Variants in ITPRID1 observed in about 807,000 individuals in gnomAD.
ITPRID1 encodes ITPR interacting domain containing 1.
A neutral mutation model predicts 95.4 loss-of-function variants in ITPRID1; 96 were observed. The observed-to-expected ratio is 1.01, with a 90% CI of 0.85 to 1.19. ITPRID1 has a LOEUF of 1.19. Among genes scored for constraint, ITPRID1 ranks in the 50% most tolerant of loss-of-function variants. The probability of loss-of-function intolerance (pLI) is 0.00; values close to 1 mark genes in which losing one functional copy is unlikely to be tolerated. For synonymous variants in ITPRID1, 510 were observed against 453.6 expected (o/e 1.12, Z -1.58); for missense variants, 1,339 against 1,252.9 (o/e 1.07, Z -1.04).
intron 10 of ITPRID1, among the ~76,000 whole-genome samples, chr7:31,588,660 TA>T (rs566999290): frequency 1.0e-5 from 1 of 95,876 alleles, no homozygotes; most frequent in African/African-American, 3.7e-5. Context: ...TCTTATGAGT[TA>T]AAAAAAATCA....
intron 8 of ITPRID1, among the ~76,000 whole-genome samples, chr7:31,577,137 A>G (rs1785212949): frequency 6.6e-6 from 1 of 152,210 alleles, no homozygotes; most frequent in Non-Finnish European, 1.5e-5. Flanking sequence ...AAGACTGAGG[A>G]GAATATATCC....
chr7:31,626,258 G>A (rs999091348), intron 10 of ITPRID1, among the ~76,000 whole-genome samples: 1 of 152,142 alleles, frequency 6.6e-6, no homozygotes, highest in Non-Finnish European at 1.5e-5. Context: ...TACTTTGTGT[G>A]ACTAAAGATA....
chr7:31,658,325 ACT>A (rs569345700), downstream of ITPRID1: 143 of 1,523,176 alleles, frequency 9.4e-5, no homozygotes, highest in African/African-American at 1.6e-3. Context: ...AAAGCAAATA[ACT>A]CTGCTAAAGA....
intron 12 of ITPRID1, among the ~76,000 whole-genome samples, chr7:31,647,701 GGAA>G (rs78901984): frequency 7.1e-6 from 1 of 140,148 alleles, no homozygotes; most frequent in Non-Finnish European, 1.5e-5. Flanking sequence ...AAAAAGAAGA[GGAA>G]GAAGAAGACG....
intron 10 of ITPRID1, among the ~76,000 whole-genome samples, chr7:31,639,242 C>G (rs1344917559): frequency 6.6e-6 from 1 of 152,182 alleles, no homozygotes; most frequent in Non-Finnish European, 1.5e-5. Flanking sequence ...TTGGACTTGT[C>G]TCATCACTTG....
chr7:31,639,683 C>T (rs1364019404), intron 10 of ITPRID1, among the ~76,000 whole-genome samples: 1 of 151,646 alleles, frequency 6.6e-6, no homozygotes, highest in Non-Finnish European at 1.5e-5. Context: ...ACTACAGGTG[C>T]CTGCCACCAT....
At chr7:31,657,214 G>T (rs2128223920), downstream of ITPRID1, among the ~76,000 whole-genome samples, 1 of 18,344 alleles carries the variant, frequency 5.5e-5, no homozygotes, top group South Asian at 2.5e-3. Context: ...ACTGTAAGTT[G>T]TCTAAGCTCT....
At chr7:31,535,975 C>T (rs1783745652) in intron 1 of ITPRID1, among the ~76,000 whole-genome samples, 1 of 151,938 alleles carries the variant, frequency 6.6e-6, no homozygotes, top group Admixed American at 6.6e-5. Flanking sequence ...AGTGTTCTTG[C>T]TTGGGATTTA....
chr7:31,615,628 TGAAC>T (rs1787128273), intron 10 of ITPRID1, among the ~76,000 whole-genome samples: 1 of 152,166 alleles, frequency 6.6e-6, no homozygotes, highest in South Asian at 2.1e-4. Flanking sequence ...TTGAGTCTTA[TGAAC>T]AATGGTTGTG....
intron 1 of ITPRID1, among the ~76,000 whole-genome samples, chr7:31,541,401 C>T (rs1006968711): frequency 6.6e-6 from 1 of 152,104 alleles, no homozygotes; most frequent in Non-Finnish European, 1.5e-5. Context: ...AGCTTTATAG[C>T]TGATTTTAAA....
chr7:31,576,458 G>A (rs902380953), intron 8 of ITPRID1, among the ~76,000 whole-genome samples: 3 of 152,166 alleles, frequency 2.0e-5, no homozygotes, highest in African/African-American at 7.2e-5. Flanking sequence ...TGCTTTGGAT[G>A]GATGTAAAGC....
intron 10 of ITPRID1, among the ~76,000 whole-genome samples, chr7:31,593,391 A>G (rs1207612303): frequency 6.6e-6 from 1 of 152,222 alleles, no homozygotes; most frequent in Non-Finnish European, 1.5e-5. Flanking sequence ...GGCTGACTTT[A>G]TCAATTTGTA....
At chr7:31,519,902 G>T (rs1783187544) in intron 1 of ITPRID1, among the ~76,000 whole-genome samples, 1 of 151,072 alleles carries the variant, frequency 6.6e-6, no homozygotes, top group Non-Finnish European at 1.5e-5. Context: ...AACCAATATG[G>T]ATACATTATT....
chr7:31,649,835 G>T (rs182813247), intron 12 of ITPRID1, among the ~76,000 whole-genome samples: 2 of 152,156 alleles, frequency 1.3e-5, no homozygotes, highest in Non-Finnish European at 2.9e-5. Flanking sequence ...AAGGTAAATA[G>T]CTTTAGTTAA....
intron 3 of ITPRID1, among the ~76,000 whole-genome samples, chr7:31,554,189 T>C (rs1310969537): frequency 6.6e-6 from 1 of 152,228 alleles, no homozygotes; most frequent in African/African-American, 2.4e-5. Flanking sequence ...TAAAAATTAT[T>C]CTAACATCTC....
chr7:31,580,787 A>T (rs1269315530), intron 9 of ITPRID1, among the ~76,000 whole-genome samples: 1 of 152,214 alleles, frequency 6.6e-6, no homozygotes, highest in Non-Finnish European at 1.5e-5. Flanking sequence ...ACTTTCACAG[A>T]AAAACAGAAC....
chr7:31,614,411 C>T (rs1554292588), intron 10 of ITPRID1, among the ~76,000 whole-genome samples: 1 of 152,108 alleles, frequency 6.6e-6, no homozygotes, highest in Non-Finnish European at 1.5e-5. Context: ...CAGATTTACA[C>T]TTATTCTAGT....
At chr7:31,646,272 C>T (rs1790458130) in intron 12 of ITPRID1, among the ~76,000 whole-genome samples, 1 of 152,048 alleles carries the variant, frequency 6.6e-6, no homozygotes, top group African/African-American at 2.4e-5. Flanking sequence ...GTAGCACAGC[C>T]CAGTAAGACC....
intron 10 of ITPRID1, among the ~76,000 whole-genome samples, chr7:31,596,190 A>C (rs1786082690): frequency 6.6e-6 from 1 of 151,444 alleles, no homozygotes; most frequent in South Asian, 2.1e-4. Flanking sequence ...AGCTAATACC[A>C]TAGGGGAAAA....
Sources: allele counts gnomAD v4.1 joint callset (sites outside exome capture counted in the v4.1 genomes callset), GRCh38; gene constraint gnomAD v4.1.1; transcripts MANE v1.5; gene names NCBI Gene and HGNC (gene_info 2026-07-23, HGNC 2026-07-21).